The following CHN2 variants were observed in gnomAD, a reference collection of about 807,000 sequenced individuals.
CHN2 encodes the protein chimerin 2.
CHN2 carries 35 observed loss-of-function variants against 56.3 expected under a neutral mutation model. That is an observed-to-expected ratio of 0.62 (90% CI 0.47 to 0.82). The LOEUF (loss-of-function observed/expected upper bound fraction) is 0.82. Ranked by LOEUF, CHN2 falls within the 40% of genes least tolerant of loss-of-function variation. CHN2 has a pLI of 0.00. For missense variants in CHN2, 491 were observed against 580.5 expected, an observed-to-expected ratio of 0.85 and a Z score of 1.58; for synonymous variants, 210 against 212.8, an observed-to-expected ratio of 0.99 and a Z score of 0.12.
chr7:29,240,822 G>A (rs1238672804), intron 1 of CHN2, among the ~76,000 whole-genome samples: 2 of 151,028 alleles, frequency 1.3e-5, no homozygotes, highest in African/African-American at 4.9e-5. Flanking sequence ...CTTCTTCGTC[G>A]TCGTCGTCGT....
In CHN2 at chr7:29,146,849, GACTT is replaced by G; in HGVS notation, c.168_171del (p.Leu57GlnfsTer18). ...TTTTGAAATTATTTCTGCACTCTAG[GACTT>G]ACTTGCAAGCCCAGGATTTACATTT... On this transcript the variant is annotated frameshift_variant and splice_region_variant, in exon 2 of 7. Transcript: ENST00000439384. LOFTEE classifies it high-confidence loss of function. 1 of 1,551,030 alleles carries G rather than the reference GACTT, an allele frequency of 6.4e-7. No individual in the cohort carries two copies. Among genetic ancestry groups the G allele is most frequent in the Non-Finnish European group, 8.7e-7 (1 of 1,147,094 alleles).
At chr7:29,267,101 C>T (rs1213179147) in intron 1 of CHN2, among the ~76,000 whole-genome samples, 1 of 152,102 alleles carries the variant, frequency 6.6e-6, no homozygotes, top group Non-Finnish European at 1.5e-5. Flanking sequence ...GAACTTTTTA[C>T]TCCGTGGGCA....
At chr7:29,293,936 G>C (rs1792900544) in intron 1 of CHN2, among the ~76,000 whole-genome samples, 1 of 140,712 alleles carries the variant, frequency 7.1e-6, no homozygotes, top group Admixed American at 7.7e-5. Context: ...GCGCGATCTC[G>C]GCTCACTGCA....
intron 1 of CHN2, among the ~76,000 whole-genome samples, chr7:29,303,933 G>T (rs1010471894): frequency 3.9e-5 from 6 of 152,074 alleles, no homozygotes; most frequent in Non-Finnish European, 7.4e-5. Flanking sequence ...GGTGGCATGC[G>T]CCTGTAATCT....
At chr7:29,364,366 T>C (rs1798977016) in intron 2 of CHN2, among the ~76,000 whole-genome samples, 1 of 152,230 alleles carries the variant, frequency 6.6e-6, no homozygotes, top group African/African-American at 2.4e-5. Flanking sequence ...TTATAACAGG[T>C]ATGCATCCTT....
At chr7:29,228,487 C>A (rs138230967) in intron 1 of CHN2, among the ~76,000 whole-genome samples, 1 of 152,300 alleles carries the variant, frequency 6.6e-6, no homozygotes, top group African/African-American at 2.4e-5. Context: ...ACATGAACTC[C>A]CCTCACAATG....
chr7:29,303,094 G>T (rs1311971969), intron 1 of CHN2, among the ~76,000 whole-genome samples: 3 of 152,178 alleles, frequency 2.0e-5, no homozygotes, highest in African/African-American at 7.2e-5. Context: ...GGCTGTCTAT[G>T]CCTTGCCATT....
chr7:29,310,391 T>C (rs190392), intron 1 of CHN2, among the ~76,000 whole-genome samples: 144,471 of 152,302 alleles, frequency 0.95, 68,619 homozygotes, highest in East Asian at 1. Context: ...CATATGATCC[T>C]GTATTTGCAA....
rs1002310403 is a variant in CHN2, at chr7:29,513,218, A to T, written c.*483A>T. 1.3e-5 allele frequency: 2 copies of T among 155,424 alleles called. No individual in the cohort carries two copies. The highest frequency in any genetic ancestry group is 4.8e-5 in the African/African-American group (2 of 41,470). The allele number at this position is 155,424 out of a possible 1,614,324, so 9.6% of individuals were successfully genotyped here. On this transcript the variant is annotated 3_prime_UTR_variant, in exon 13 of 13. Coordinates refer to ENST00000222792, the MANE Select transcript of CHN2 (RefSeq NM_004067.4). ...TAGCAAATAGAACTCAATGCAGTGC[A>T]TTGGTTATTACCCTGTGTACCTTGT...
chr7:29,480,011 A>C, intron 6 of CHN2: 1 of 1,503,184 alleles, frequency 6.7e-7, no homozygotes, highest in Non-Finnish European at 8.9e-7. Context: ...CAGCTGCCTC[A>C]AATCTGCCGC....
In CHN2 at chr7:29,473,482, TTG is replaced by T. The variant is rs1554299030; in HGVS notation, c.577-6773_577-6772del. 6.7e-4 allele frequency among the ~76,000 whole-genome samples: 79 copies of T among 118,132 alleles called. 1 individual carries two copies. The highest frequency in any genetic ancestry group is 1.4e-3 in the South Asian group (5 of 3,488). 77.5% of individuals were successfully genotyped at this position (118,132 alleles called of 152,430 possible). On this transcript the variant is annotated intron_variant, in intron 6 of 12. Coordinates refer to ENST00000222792, the MANE Select transcript of CHN2 (RefSeq NM_004067.4). Reference sequence around the variant, plus strand: ...TGTGTGTGTTTGTGTTTTTTTTTTTTTGTGTGTGTGTGTGTGTGTGTGTGTTC... The same window carrying T: ...TGTGTGTGTTTGTGTTTTTTTTTTTTTGTGTGTGTGTGTGTGTGTGTGTTC...
intron 12 of CHN2, among the ~76,000 whole-genome samples, chr7:29,510,452 T>A (rs1003239784): frequency 6.6e-6 from 1 of 152,026 alleles, no homozygotes; most frequent in Non-Finnish European, 1.5e-5. Flanking sequence ...AACAAAAAAA[T>A]TCACTCCTGA....
intron 1 of CHN2, among the ~76,000 whole-genome samples, chr7:29,256,107 G>A (rs1475030596): frequency 6.6e-6 from 1 of 152,134 alleles, no homozygotes. Context: ...TAAACAATTA[G>A]GTGTGATGTT....
chr7:29,316,120 C>T (rs1453150963), intron 1 of CHN2, among the ~76,000 whole-genome samples: 1 of 152,210 alleles, frequency 6.6e-6, no homozygotes, highest in East Asian at 1.9e-4. Context: ...GTGAACTCCA[C>T]ACCTCTTACA....
At chr7:29,308,388 A>C (rs943443273) in intron 1 of CHN2, among the ~76,000 whole-genome samples, 5 of 152,166 alleles carry the variant, frequency 3.3e-5, no homozygotes, top group African/African-American at 1.2e-4. Flanking sequence ...AAGTGCTATC[A>C]CTTACAACCC....
Position 29,331,269 on chromosome 7 carries a change from TCGG to T in CHN2, c.50-23354_50-23352del, listed in dbSNP as rs377466655. ...AATGGAGGGTCTGTTGACAGAGGTG[TCGG>T]CAGATTGAGAGAACTAAGAGAGTCT... On this transcript the variant is annotated intron_variant, in intron 1 of 12. Transcript: ENST00000222792. 1.9e-3 allele frequency among the ~76,000 whole-genome samples: 286 copies of T among 152,276 alleles called. 1 individual carries two copies. The highest frequency in any genetic ancestry group is 6.7e-3 in the African/African-American group (278 of 41,548).
chr7:29,242,944 G>C (rs245961), intron 1 of CHN2, among the ~76,000 whole-genome samples: 2 of 150,826 alleles, frequency 1.3e-5, no homozygotes, highest in Admixed American at 1.3e-4. Flanking sequence ...ATATTTTCAC[G>C]TGCAGGGAAA....
At chr7:29,155,107 T>A (rs958236183) in intron 2 of CHN2, among the ~76,000 whole-genome samples, 3 of 151,996 alleles carry the variant, frequency 2.0e-5, no homozygotes, top group African/African-American at 7.3e-5. Context: ...ATGATTCAAT[T>A]ACCTCCCACC....
rs115771547 is a variant in CHN2, at chr7:29,352,999, G to A, written c.50-1626G>A. 1.5e-3 allele frequency among the ~76,000 whole-genome samples: 222 copies of A among 152,288 alleles called. 1 individual carries two copies. The highest frequency in any genetic ancestry group is 5.1e-3 in the African/African-American group (211 of 41,546). On this transcript the variant is annotated intron_variant, in intron 1 of 12. Transcript: ENST00000222792. ...TCTTACTTTGACAAAAATATTCAGAGTTCATGAATACATTGATTTAGCAAA... is the reference window on the plus strand; with the variant it reads ...TCTTACTTTGACAAAAATATTCAGAATTCATGAATACATTGATTTAGCAAA...
Sources: allele counts gnomAD v4.1 joint callset (sites outside exome capture counted in the v4.1 genomes callset), GRCh38; gene constraint gnomAD v4.1.1; transcripts MANE v1.5; gene names NCBI Gene and HGNC (gene_info 2026-07-23, HGNC 2026-07-21).